Variants in SYK observed in about 807,000 individuals in gnomAD.
SYK encodes the protein spleen associated tyrosine kinase.
Under a neutral mutation model 77.8 loss-of-function variants are expected in SYK, and 16 were observed. The ratio of observed to expected loss-of-function variants is 0.21; its 90% CI spans 0.14 to 0.31. The LOEUF (loss-of-function observed/expected upper bound fraction) is 0.31. SYK is among the 10% of genes least tolerant of loss of function. The pLI, the probability that SYK is intolerant of heterozygous loss-of-function variation, is 1.00. For missense variants in SYK, 529 were observed against 814.4 expected, an observed-to-expected ratio of 0.65 and a Z score of 4.26; for synonymous variants, 312 against 308.7, an observed-to-expected ratio of 1.01 and a Z score of -0.11.
intron 7 of SYK, among the ~76,000 whole-genome samples, chr9:90,873,250 C>T (rs1827798026): frequency 6.6e-6 from 1 of 151,852 alleles, no homozygotes; most frequent in African/African-American, 2.4e-5. Context: ...CTGTAACTTT[C>T]TCCATAATCT....
At chr9:90,826,707 C>T (rs1315865182) in intron 1 of SYK, among the ~76,000 whole-genome samples, 1 of 152,154 alleles carries the variant, frequency 6.6e-6, no homozygotes, top group Non-Finnish European at 1.5e-5. Context: ...TCTGGCCCTT[C>T]TTGAGTGTGG....
intron 13 of SYK, among the ~76,000 whole-genome samples, chr9:90,891,178 C>T (rs1587928962): frequency 7.1e-6 from 1 of 140,698 alleles, no homozygotes; most frequent in African/African-American, 2.6e-5. Context: ...CGGAGTCTCA[C>T]TCTGTCGCCC....
chr9:90,893,537 A>C (rs1035874638), intron 13 of SYK, among the ~76,000 whole-genome samples: 1 of 152,200 alleles, frequency 6.6e-6, no homozygotes, highest in African/African-American at 2.4e-5. Flanking sequence ...TCTCATTAGC[A>C]CAAACCCAGG....
intron 1 of SYK, among the ~76,000 whole-genome samples, chr9:90,823,542 G>A (rs1266899313): frequency 6.6e-6 from 1 of 152,090 alleles, no homozygotes; most frequent in Non-Finnish European, 1.5e-5. Context: ...TACCAATTAT[G>A]TTCTCAGAAC....
At position 90,895,528 on chromosome 9, in the gene SYK, T is replaced by G; in HGVS notation, c.1836T>G (p.Asp612Glu). The G allele has an allele frequency of 1.2e-6, 2 of 1,614,018 alleles. No individual in the cohort carries two copies. Among genetic ancestry groups the G allele is most frequent in the Non-Finnish European group, 1.7e-6 (2 of 1,180,000 alleles). The change falls in exon 14 of 14, where the codon GAT becomes GAG. Residue 612 changes from aspartate to glutamate, a missense_variant and splice_region_variant. By Grantham distance (45) the Asp-to-Glu change is conservative. Coordinates refer to ENST00000375754, the MANE Select transcript of SYK (RefSeq NM_003177.7). The surrounding 1 kb of genome is among the most constrained non-coding windows in gnomAD (Gnocchi z 4.4). ...CAAGAATGCATCTCTTCCATTCCAG[T>G]GTGGAAAACAGGCCCGGATTCGCAG... ...YDLMNLCWTY[D>E]VENRPGFAAV... is the part of the protein sequence containing the mutation.
intron 1 of SYK, among the ~76,000 whole-genome samples, chr9:90,837,679 A>G (rs1434515561): frequency 6.6e-6 from 1 of 152,182 alleles, no homozygotes; most frequent in Non-Finnish European, 1.5e-5. Context: ...AATTGTCAGT[A>G]AGGAAAGGAA....
At chr9:90,830,563 C>G (rs1251000980) in intron 1 of SYK, among the ~76,000 whole-genome samples, 2 of 150,594 alleles carry the variant, frequency 1.3e-5, no homozygotes, top group African/African-American at 4.9e-5. Context: ...AATTCTCCCT[C>G]TGGTTGGACT....
intron 6 of SYK, among the ~76,000 whole-genome samples, chr9:90,865,591 G>A (rs1827454384): frequency 6.6e-6 from 1 of 152,132 alleles, no homozygotes; most frequent in African/African-American, 2.4e-5. Flanking sequence ...TTACAGGCAT[G>A]AGCCACCACA....
At chr9:90,813,847 C>A (rs2118333447) in intron 1 of SYK, among the ~76,000 whole-genome samples, 1 of 152,278 alleles carries the variant, frequency 6.6e-6, no homozygotes, top group African/African-American at 2.4e-5. Flanking sequence ...GTGTTTAGGG[C>A]TCTGCTGGGT....
intron 1 of SYK, among the ~76,000 whole-genome samples, chr9:90,841,116 G>A (rs1282613394): frequency 1.3e-5 from 2 of 151,462 alleles, no homozygotes; most frequent in Admixed American, 6.6e-5. Context: ...TGTGGTGTGT[G>A]TGCAGTGTGT....
chr9:90,891,626 A>G (rs894367819), intron 13 of SYK, among the ~76,000 whole-genome samples: 1 of 152,146 alleles, frequency 6.6e-6, no homozygotes, highest in Non-Finnish European at 1.5e-5. Context: ...TTGCAAGGAA[A>G]CCTTACAGAG....
intron 1 of SYK, among the ~76,000 whole-genome samples, chr9:90,823,724 A>G (rs1173368960): frequency 6.6e-6 from 1 of 152,134 alleles, no homozygotes; most frequent in East Asian, 1.9e-4. Context: ...TAATTTATCA[A>G]AAATTTTGGA....
intron 3 of SYK, among the ~76,000 whole-genome samples, chr9:90,860,458 G>T (rs370422221): frequency 6.9e-6 from 1 of 145,096 alleles, no homozygotes; most frequent in Non-Finnish European, 1.5e-5. Context: ...GTGTTGTGTT[G>T]TATTTAACAG....
chr9:90,811,803 T>A (rs1266179889), intron 1 of SYK, among the ~76,000 whole-genome samples: 1 of 150,926 alleles, frequency 6.6e-6, no homozygotes, highest in African/African-American at 2.4e-5. Context: ...TGTGCACCTG[T>A]AGTCCCAGCT....
chr9:90,872,225 A>G lies in SYK; in HGVS notation c.916-1979A>G, dbSNP rs117008410. 7.3e-4 allele frequency among the ~76,000 whole-genome samples: 111 copies of G among 152,314 alleles called. 1 individual carries two copies. In the East Asian group the frequency reaches 0.021, roughly 28 times the overall value. On this transcript the variant is annotated intron_variant, in intron 7 of 13. Transcript: ENST00000375754. ...CTGGAGAACATTCTGTGAGGTAGAGAGGCTGCAACCCCAGGATAATGTCCT... is the reference window on the plus strand; with the variant it reads ...CTGGAGAACATTCTGTGAGGTAGAGGGGCTGCAACCCCAGGATAATGTCCT...
chr9:90,857,609 A>G (rs1267192256), intron 3 of SYK, among the ~76,000 whole-genome samples: 1 of 152,242 alleles, frequency 6.6e-6, no homozygotes, highest in Non-Finnish European at 1.5e-5. Context: ...AGAAGCACTC[A>G]GAAGTTGCAT....
intron 1 of SYK, among the ~76,000 whole-genome samples, chr9:90,821,023 CTT>C (rs1825493386): frequency 6.6e-6 from 1 of 152,198 alleles, no homozygotes; most frequent in Admixed American, 6.5e-5. Context: ...CTACCAATCT[CTT>C]TGCTAAAACA....
intron 1 of SYK, among the ~76,000 whole-genome samples, chr9:90,821,444 A>C (rs1333531600): frequency 6.6e-6 from 1 of 152,216 alleles, no homozygotes; most frequent in African/African-American, 2.4e-5. Context: ...GCAGCAAGAG[A>C]AAATGAGGAA....
chr9:90,873,039 C>T (rs80038149), intron 7 of SYK, among the ~76,000 whole-genome samples: 3,374 of 152,346 alleles, frequency 0.022, 59 homozygotes, highest in Non-Finnish European at 0.038. Flanking sequence ...TGAACAATGT[C>T]TGCCTCTGAA....
Sources: allele counts gnomAD v4.1 joint callset (sites outside exome capture counted in the v4.1 genomes callset), GRCh38; gene constraint gnomAD v4.1.1; non-coding constraint Gnocchi (gnomAD v3.1); transcripts MANE v1.5; gene names NCBI Gene and HGNC (gene_info 2026-07-23, HGNC 2026-07-21).